The following SLC22A14 variants were observed in gnomAD, a reference collection of about 807,000 sequenced individuals.
SLC22A14 encodes the protein organic cation transporter-like 4.
A neutral mutation model predicts 53.9 loss-of-function variants in SLC22A14; 50 were observed. That is an observed-to-expected ratio of 0.93 (90% CI 0.74 to 1.17). The LOEUF (loss-of-function observed/expected upper bound fraction) is 1.17. SLC22A14 is among the 50% of genes most tolerant of loss of function. The pLI is 0.00. For missense variants in SLC22A14, 671 were observed against 734.7 expected (o/e 0.91, Z 1.00); for synonymous variants, 312 against 303.0 (o/e 1.03, Z -0.31).
chr3:38,312,903 T>C (rs1275155145), intron 5 of SLC22A14, 96 bp from the exon 6 acceptor site: 11 of 1,496,242 alleles, frequency 7.4e-6, no homozygotes, highest in Non-Finnish European at 1.0e-5. Context: ...CACCTCATGC[T>C]GGCACAGGAT....
chr3:38,298,811 C>G (rs541817256), intron 1 of SLC22A14, among the ~76,000 whole-genome samples: 1 of 152,278 alleles, frequency 6.6e-6, no homozygotes, highest in East Asian at 1.9e-4. Flanking sequence ...CTGCCTTGGC[C>G]TCCAAAGTGC....
intron 1 of SLC22A14, among the ~76,000 whole-genome samples, chr3:38,298,745 A>G (rs1704097229): frequency 6.6e-6 from 1 of 152,102 alleles, no homozygotes; most frequent in African/African-American, 2.4e-5. Context: ...TAGTAGAGAC[A>G]GGGTTTCAAC....
chr3:38,279,095 G>A (rs1239794089), upstream of SLC22A14, among the ~76,000 whole-genome samples: 1 of 152,168 alleles, frequency 6.6e-6, no homozygotes, highest in Admixed American at 6.5e-5. Flanking sequence ...GGGCGTAGAT[G>A]CTGGACCAGT....
At chr3:38,313,291 G>A in intron 6 of SLC22A14, 97 bp from the exon 7 acceptor site, 1 of 1,381,280 alleles carries the variant, frequency 7.2e-7, no homozygotes, top group Non-Finnish European at 1.0e-6. Flanking sequence ...AAGCCAGCTG[G>A]CACTTTCAGG....
Position 38,291,396 on chromosome 3 carries a change from A to C in SLC22A14, c.-1+9057A>C, listed in dbSNP as rs1041682309. Among the ~76,000 whole-genome samples, 15 of 152,222 alleles carry C rather than the reference A, an allele frequency of 9.9e-5. No individual in the cohort carries two copies. The East Asian group carries it at 2.9e-3, about 29-fold the overall frequency. On this transcript the variant is annotated intron_variant, in intron 1 of 10. Transcript: ENST00000448498. ...GCTGGGTTAAGAGTTGCACAAGTGC[A>C]CAGTTGCGGCACTGGCCCTTCAAGT...
chr3:38,298,794 G>A (rs1467690692), intron 1 of SLC22A14, among the ~76,000 whole-genome samples: 1 of 152,146 alleles, frequency 6.6e-6, no homozygotes, highest in Non-Finnish European at 1.5e-5. Context: ...GACCTCAGGT[G>A]ATCCACCTGC....
intron 1 of SLC22A14, among the ~76,000 whole-genome samples, chr3:38,292,977 A>G (rs1269212181): frequency 6.6e-6 from 1 of 152,140 alleles, no homozygotes. Context: ...CCAGGACAGG[A>G]GAGTAAGACT....
chr3:38,301,347 C>T (rs1704155696), intron 1 of SLC22A14, among the ~76,000 whole-genome samples: 1 of 152,236 alleles, frequency 6.6e-6, no homozygotes, highest in Non-Finnish European at 1.5e-5. Flanking sequence ...TGTTTCCCCA[C>T]AGCCTCATCA....
In SLC22A14 at chr3:38,309,133, G is replaced by A. The variant is rs371511809; in HGVS notation, c.944+11G>A. 32 of 1,611,954 alleles carry A rather than the reference G, an allele frequency of 2.0e-5. No individual in the cohort carries two copies. The highest frequency in any genetic ancestry group is 1.6e-4 in the Middle Eastern group (1 of 6,078). ...CATCTCCTATATCTGGTGAGCAAGCGAGTACCGGGCATGTACAGGGCTGGG... is the reference window on the plus strand; with the variant it reads ...CATCTCCTATATCTGGTGAGCAAGCAAGTACCGGGCATGTACAGGGCTGGG... On this transcript the variant is annotated intron_variant, in intron 5 of 10. Coordinates refer to ENST00000448498, the MANE Select transcript of SLC22A14 (RefSeq NM_001320033.2).
intron 1 of SLC22A14, among the ~76,000 whole-genome samples, chr3:38,304,863 G>A (rs949441948): frequency 1.6e-4 from 25 of 151,912 alleles, no homozygotes; most frequent in Admixed American, 1.3e-3. Flanking sequence ...TTTTTATTTC[G>A]TCTCCATTTC....
At chr3:38,279,322 T>A (rs1703621771), upstream of SLC22A14, among the ~76,000 whole-genome samples, 1 of 152,166 alleles carries the variant, frequency 6.6e-6, no homozygotes, top group Non-Finnish European at 1.5e-5. Flanking sequence ...GAAAACCAGA[T>A]AGAAGTGGGG....
In SLC22A14 at chr3:38,307,751, G is replaced by GGCAGT. The variant is rs750293511; in HGVS notation, c.775+32_775+33insCAGTG. ...ACTGGGCCTCAATGGGGCAGGGCAG[G>GGCAGT]GTGGCACAGGGGCATGGCGGCATAG... On this transcript the variant is annotated intron_variant, in intron 4 of 10. Coordinates refer to ENST00000448498, the MANE Select transcript of SLC22A14 (RefSeq NM_001320033.2). This position sits in a 1 kb window ranked among gnomAD's most constrained non-coding sequence, Gnocchi z 4.4. 3 of 1,612,006 alleles carry GGCAGT rather than the reference G, an allele frequency of 1.9e-6. No individual in the cohort carries two copies. The African/African-American group carries it at 4.0e-5, about 22-fold the overall frequency.
At chr3:38,316,598 G>A (rs1300404836) in intron 10 of SLC22A14, 74 bp downstream of exon 10, 1 of 1,351,946 alleles carries the variant, frequency 7.4e-7, no homozygotes, top group South Asian at 1.3e-5. Flanking sequence ...GAGCGTGCGG[G>A]ACATTGTCCA....
chr3:38,286,970 C>T (rs1371151523), intron 1 of SLC22A14, among the ~76,000 whole-genome samples: 1 of 152,040 alleles, frequency 6.6e-6, no homozygotes, highest in Non-Finnish European at 1.5e-5. Flanking sequence ...CTCCTGACCT[C>T]AGGTGATCCA....
At position 38,313,020 on chromosome 3, in the gene SLC22A14, G is replaced by T. The variant is rs1288852367; in HGVS notation, c.966G>T (p.Arg322=). ...SYIWILPESP[R]WLMMKGKVKE... ...GCAGGATTCTCCCGGAGTCCCCGCG[G>T]TGGCTGATGATGAAAGGGAAGGTGA... The change falls in exon 6 of 11, where the codon CGG becomes CGT. Residue 322 remains arginine (R), a synonymous_variant. Coordinates refer to ENST00000448498, the MANE Select transcript of SLC22A14 (RefSeq NM_001320033.2). 2.5e-6 allele frequency: 4 copies of T among 1,586,404 alleles called. No homozygotes were observed.
Position 38,312,954 on chromosome 3 carries a change from T to C in SLC22A14, c.945-45T>C, listed in dbSNP as rs1575423180. 3 of 1,563,562 alleles carry C rather than the reference T, an allele frequency of 1.9e-6. No individual in the cohort carries two copies. The East Asian group carries it at 7.0e-5, about 36-fold the overall frequency. Reference sequence around the variant, plus strand: ...CACGAGAGGGCCAGCAGGGGGTCTCTGGGCATCATAGAACGGTGAGATAAG... The same window carrying C: ...CACGAGAGGGCCAGCAGGGGGTCTCCGGGCATCATAGAACGGTGAGATAAG... On this transcript the variant is annotated intron_variant, in intron 5 of 10. Transcript: ENST00000448498.
chr3:38,294,891 C>G (rs1380063864), intron 1 of SLC22A14, among the ~76,000 whole-genome samples: 1 of 152,138 alleles, frequency 6.6e-6, no homozygotes, highest in Non-Finnish European at 1.5e-5. Flanking sequence ...AAGATGCATT[C>G]TCATAAACAG....
At chr3:38,298,111 T>TA (rs1381164893) in intron 1 of SLC22A14, among the ~76,000 whole-genome samples, 1 of 152,204 alleles carries the variant, frequency 6.6e-6, no homozygotes, top group Non-Finnish European at 1.5e-5. Flanking sequence ...AACATATTAC[T>TA]ATCATTATTT....
chr3:38,299,532 G>A (rs1032781824), intron 1 of SLC22A14, among the ~76,000 whole-genome samples: 1 of 152,174 alleles, frequency 6.6e-6, no homozygotes, highest in Admixed American at 6.5e-5. Flanking sequence ...TCAATGAATA[G>A]ACATTTTCCT....
Sources: allele counts gnomAD v4.1 joint callset (sites outside exome capture counted in the v4.1 genomes callset), GRCh38; gene constraint gnomAD v4.1.1; non-coding constraint Gnocchi (gnomAD v3.1); transcripts MANE v1.5; gene names NCBI Gene and HGNC (gene_info 2026-07-23, HGNC 2026-07-21).